Variants in SP140 observed in about 807,000 individuals in gnomAD.
SP140 encodes the protein nuclear body protein SP140.
SP140 carries 81 observed loss-of-function variants against 125.0 expected under a neutral mutation model. The observed-to-expected ratio is 0.65, with a 90% CI of 0.54 to 0.78. The LOEUF (loss-of-function observed/expected upper bound fraction) is 0.78, where lower values mean the gene tolerates loss of function less well. Among genes scored for constraint, SP140 ranks in the 30% least tolerant of loss-of-function variants. The pLI is 0.00. For missense variants in SP140, 858 were observed against 1,037.0 expected (o/e 0.83, Z 2.37); for synonymous variants, 312 against 354.0 (o/e 0.88, Z 1.33).
intron 1 of SP140, among the ~76,000 whole-genome samples, chr2:230,231,664 G>A (rs767200017): frequency 1.4e-4 from 22 of 152,076 alleles, no homozygotes; most frequent in Non-Finnish European, 3.1e-4. Context: ...TAATGGAACT[G>A]CACCTTGGGC....
intron 3 of SP140, chr2:230,220,009 C>T (rs202197342): frequency 1.3e-5 from 13 of 985,478 alleles, no homozygotes; most frequent in South Asian, 4.7e-5. Context: ...AGTAAGGGGC[C>T]GGGCTTCCGA....
At chr2:230,240,568 CATT>C (rs72134925) in intron 3 of SP140, among the ~76,000 whole-genome samples, 17,347 of 152,140 alleles carry the variant, frequency 0.11, 1,214 homozygotes, top group South Asian at 0.19. Context: ...AAGTGTATGA[CATT>C]ATTAATCATG....
intron 12 of SP140, among the ~76,000 whole-genome samples, chr2:230,261,934 C>G (rs111635632): frequency 1.3e-5 from 2 of 152,042 alleles, no homozygotes; most frequent in Non-Finnish European, 2.9e-5. Context: ...TATGTCCTTT[C>G]CTGGTGTTGG....
At chr2:230,191,120 C>A in the SP140 span, among the ~76,000 whole-genome samples, 11 of 151,990 alleles carry the variant, frequency 7.2e-5, no homozygotes, top group Non-Finnish European at 1.6e-4. Flanking sequence ...ATACCAGAAT[C>A]TCTGGGACAC....
At chr2:230,251,106 G>A in intron 10 of SP140, 45 bp downstream of exon 10, 1 of 1,531,680 alleles carries the variant, frequency 6.5e-7, no homozygotes, top group Non-Finnish European at 9.0e-7. Flanking sequence ...AGAGTGTCAG[G>A]AGGTTGAATT....
At chr2:230,297,302 A>G (rs1359230833) in intron 21 of SP140, 119 bp from the exon 22 acceptor site, 2 of 1,251,764 alleles carry the variant, frequency 1.6e-6, no homozygotes, top group Middle Eastern at 2.0e-4. Flanking sequence ...TCTCTTCCCA[A>G]TTATTTTTTA....
At chr2:230,309,128 AT>A (rs1275004203) in intron 22 of SP140, among the ~76,000 whole-genome samples, 10 of 152,228 alleles carry the variant, frequency 6.6e-5, no homozygotes, top group Admixed American at 2.0e-4. Context: ...CTTGTAAGAA[AT>A]GGAGAATTCG....
At chr2:230,273,711 G>GT (rs1452455262) in intron 15 of SP140, among the ~76,000 whole-genome samples, 3 of 152,200 alleles carry the variant, frequency 2.0e-5, no homozygotes, top group African/African-American at 7.2e-5. Flanking sequence ...GTCCAGCAAT[G>GT]ATAGACTGGA....
chr2:230,266,813 G>T (rs1189125175), intron 12 of SP140, among the ~76,000 whole-genome samples: 1 of 152,126 alleles, frequency 6.6e-6, no homozygotes, highest in Non-Finnish European at 1.5e-5. Context: ...GCAATCTTGT[G>T]TGGAATCCTT....
chr2:230,203,253 G>C (rs542616883), exon 1 of SP140: 9 of 174,570 alleles, frequency 5.2e-5, no homozygotes, highest in Admixed American at 1.6e-4. Flanking sequence ...GAGACCCAGA[G>C]GAGGTGCAAT....
chr2:230,233,648 A>G (rs2047571659), intron 1 of SP140, among the ~76,000 whole-genome samples: 1 of 152,252 alleles, frequency 6.6e-6, no homozygotes, highest in South Asian at 2.1e-4. Flanking sequence ...ATTTAGAAAT[A>G]ATAGTAGTGA....
chr2:230,199,151 T>TTA (rs1559160063), upstream of SP140, among the ~76,000 whole-genome samples: 54 of 112,840 alleles, frequency 4.8e-4, no homozygotes, highest in Middle Eastern at 4.2e-3. Context: ...TATTATTATT[T>TTA]TTTTTTTTTT....
chr2:230,186,915 T>G, the SP140 span, among the ~76,000 whole-genome samples: 1 of 152,248 alleles, frequency 6.6e-6, no homozygotes, highest in African/African-American at 2.4e-5. Context: ...CAATGGGCAC[T>G]GAGGTTGGTT....
At chr2:230,288,500 TC>T (rs1432493778) in intron 18 of SP140, among the ~76,000 whole-genome samples, 19 of 120,998 alleles carry the variant, frequency 1.6e-4, no homozygotes, top group African/African-American at 5.7e-4. Context: ...TTTCTTTCTT[TC>T]TTTCTTTCTT....
At chr2:230,199,571 T>G (rs1302595271), upstream of SP140, among the ~76,000 whole-genome samples, 1 of 152,044 alleles carries the variant, frequency 6.6e-6, no homozygotes, top group Non-Finnish European at 1.5e-5. Flanking sequence ...CTTTTCTATG[T>G]TGAAAAAAAG....
chr2:230,248,784 G>C, intron 8 of SP140, 101 bp from the exon 9 acceptor site: 1 of 871,454 alleles, frequency 1.1e-6, no homozygotes, highest in Non-Finnish European at 1.9e-6. Flanking sequence ...GAACAAGACA[G>C]GGGTGGCTCT....
chr2:230,210,050 T>C, intron 1 of SP140: 3 of 1,253,886 alleles, frequency 2.4e-6, no homozygotes, highest in Admixed American at 1.7e-5. Context: ...TCAGATCCAG[T>C]GAAGAGAAAG....
At chr2:230,281,762 G>C (rs907087897) in intron 15 of SP140, among the ~76,000 whole-genome samples, 1 of 152,162 alleles carries the variant, frequency 6.6e-6, no homozygotes, top group Non-Finnish European at 1.5e-5. Context: ...TTGCTAAGTA[G>C]TGTACATTAT....
chr2:230,215,767 G>A (rs2045087277), intron 3 of SP140, among the ~76,000 whole-genome samples: 1 of 152,238 alleles, frequency 6.6e-6, no homozygotes, highest in South Asian at 2.1e-4. Flanking sequence ...TTGGGGGTCA[G>A]GGTAGGCACT....
Sources: allele counts gnomAD v4.1 joint callset (sites outside exome capture counted in the v4.1 genomes callset), GRCh38; gene constraint gnomAD v4.1.1; transcripts MANE v1.5; gene names NCBI Gene and HGNC (gene_info 2026-07-23, HGNC 2026-07-21).